Variants in GALNTL6 observed in about 807,000 individuals in gnomAD.
GALNTL6 encodes polypeptide N-acetylgalactosaminyltransferase-like 6.
GALNTL6 carries 46 observed loss-of-function variants against 73.7 expected under a neutral mutation model. The observed-to-expected ratio is 0.62, with a 90% CI of 0.49 to 0.80. The LOEUF (loss-of-function observed/expected upper bound fraction) is 0.80. Ranked by LOEUF, GALNTL6 falls within the 30% of genes least tolerant of loss-of-function variation. The pLI is 0.00. For missense variants in GALNTL6, 604 were observed against 755.0 expected (o/e 0.80, Z 2.34); for synonymous variants, 259 against 263.7 (o/e 0.98, Z 0.17).
At chr4:172,148,526 C>T (rs1733986599) in intron 2 of GALNTL6, among the ~76,000 whole-genome samples, 2 of 152,132 alleles carry the variant, frequency 1.3e-5, no homozygotes, top group Non-Finnish European at 1.5e-5. Context: ...GGCACTGATC[C>T]TCCCAGCAAA....
intron 2 of GALNTL6, among the ~76,000 whole-genome samples, chr4:171,956,664 A>G (rs1209780075): frequency 6.6e-6 from 1 of 152,184 alleles, no homozygotes; most frequent in Admixed American, 6.6e-5. Flanking sequence ...TTTAAAATTA[A>G]ATTCTTTATC....
At position 172,606,960 on chromosome 4, in the gene GALNTL6, T is replaced by C. The variant is rs141603991; in HGVS notation, c.554-202401T>C. ...TAAATAGAGTGCCATTTTGTCTACA[T>C]TGAGATGAAGAAACTGTGGTTACTC... On this transcript the variant is annotated intron_variant, in intron 5 of 12. Transcript: ENST00000506823. 5.6e-4 allele frequency among the ~76,000 whole-genome samples: 85 copies of C among 151,814 alleles called. 1 individual carries two copies. In the East Asian group the frequency reaches 0.015, roughly 26 times the overall value.
chr4:172,151,124 C>G (rs1734075629), intron 2 of GALNTL6, among the ~76,000 whole-genome samples: 1 of 152,050 alleles, frequency 6.6e-6, no homozygotes, highest in South Asian at 2.1e-4. Flanking sequence ...AGTTTGACAT[C>G]TGGTTACCAT....
chr4:171,926,696 T>G (rs1737994299), intron 2 of GALNTL6, among the ~76,000 whole-genome samples: 1 of 152,158 alleles, frequency 6.6e-6, no homozygotes, highest in Non-Finnish European at 1.5e-5. Flanking sequence ...TTGTATTTAC[T>G]TTGCGACACA....
At chr4:172,407,762 G>A (rs931063182) in intron 5 of GALNTL6, among the ~76,000 whole-genome samples, 1 of 151,876 alleles carries the variant, frequency 6.6e-6, no homozygotes, top group Non-Finnish European at 1.5e-5. Flanking sequence ...AACACATACC[G>A]GTTTTTTGTC....
intron 7 of GALNTL6, among the ~76,000 whole-genome samples, chr4:172,819,734 G>A (rs1017398314): frequency 6.6e-6 from 1 of 152,158 alleles, no homozygotes; most frequent in African/African-American, 2.4e-5. Flanking sequence ...GATGATTCAG[G>A]CTCATAGAGG....
At chr4:172,492,958 G>A (rs1030633575) in intron 5 of GALNTL6, among the ~76,000 whole-genome samples, 3 of 152,116 alleles carry the variant, frequency 2.0e-5, no homozygotes, top group African/African-American at 4.8e-5. Flanking sequence ...TAACAAAGAG[G>A]CTGCCAAGTC....
intron 2 of GALNTL6, among the ~76,000 whole-genome samples, chr4:171,910,413 A>G (rs1434327680): frequency 6.6e-6 from 1 of 152,082 alleles, no homozygotes; most frequent in Admixed American, 6.5e-5. Flanking sequence ...ACCAATAACA[A>G]CTGTATAATA....
intron 5 of GALNTL6, among the ~76,000 whole-genome samples, chr4:172,801,670 G>T (rs981462884): frequency 6.6e-6 from 1 of 152,180 alleles, no homozygotes; most frequent in African/African-American, 2.4e-5. Context: ...ATACATAGGT[G>T]CTGTGTTCTA....
intron 7 of GALNTL6, among the ~76,000 whole-genome samples, chr4:172,876,441 CAGAG>C (rs537499426): frequency 1.1e-3 from 162 of 152,294 alleles, no homozygotes; most frequent in African/African-American, 3.8e-3. Context: ...TCTAGGAAAA[CAGAG>C]AGCTTTTTTT....
At chr4:172,602,511 C>T (rs1278512107) in intron 5 of GALNTL6, among the ~76,000 whole-genome samples, 1 of 68,656 alleles carries the variant, frequency 1.5e-5, no homozygotes, top group Non-Finnish European at 3.7e-5. Context: ...TTATTTTAAA[C>T]CTTAAAACAA....
At chr4:172,692,178 G>A (rs1377218875) in intron 5 of GALNTL6, among the ~76,000 whole-genome samples, 2 of 151,864 alleles carry the variant, frequency 1.3e-5, no homozygotes, top group Non-Finnish European at 2.9e-5. Flanking sequence ...ATGTGCATCT[G>A]CTTGCATATT....
chr4:172,780,491 G>A (rs10866362), intron 5 of GALNTL6, among the ~76,000 whole-genome samples: 72,864 of 152,054 alleles, frequency 0.48, 18,790 homozygotes, highest in East Asian at 0.73. Flanking sequence ...AAGGTTTGAG[G>A]TATTAAAATG....
At chr4:172,183,050 A>G (rs1735304016) in intron 2 of GALNTL6, among the ~76,000 whole-genome samples, 1 of 152,166 alleles carries the variant, frequency 6.6e-6, no homozygotes. Flanking sequence ...TTGCTGTACA[A>G]CCTAATTCTT....
At chr4:172,341,630 G>A (rs1356964090) in intron 4 of GALNTL6, among the ~76,000 whole-genome samples, 4 of 152,090 alleles carry the variant, frequency 2.6e-5, no homozygotes, top group African/African-American at 7.2e-5. Context: ...TCTGGTGATA[G>A]TGAATGGGTA....
chr4:172,762,220 G>A (rs1317775939), intron 5 of GALNTL6, among the ~76,000 whole-genome samples: 1 of 152,116 alleles, frequency 6.6e-6, no homozygotes, highest in African/African-American at 2.4e-5. Flanking sequence ...CAGCAATGTT[G>A]CTTCTGCTCA....
intron 2 of GALNTL6, among the ~76,000 whole-genome samples, chr4:172,103,518 C>T (rs1470910940): frequency 6.6e-6 from 1 of 152,098 alleles, no homozygotes; most frequent in Non-Finnish European, 1.5e-5. Flanking sequence ...TTATATCAGC[C>T]CTTGCCCTGA....
At chr4:172,780,532 T>C (rs2110895027) in intron 5 of GALNTL6, among the ~76,000 whole-genome samples, 1 of 152,348 alleles carries the variant, frequency 6.6e-6, no homozygotes, top group Middle Eastern at 3.4e-3. Flanking sequence ...ATTAAACAAA[T>C]GGAATTTGGC....
At chr4:172,198,946 A>C (rs1459623048) in intron 2 of GALNTL6, among the ~76,000 whole-genome samples, 1 of 152,066 alleles carries the variant, frequency 6.6e-6, no homozygotes, top group Admixed American at 6.6e-5. Context: ...ATCATCTTTC[A>C]GTTCCTTAGA....
Sources: gnomAD v4.1 joint callset for allele counts (sites outside exome capture counted in the v4.1 genomes callset) on GRCh38, gnomAD v4.1.1 for gene constraint, MANE v1.5 for transcripts, NCBI Gene and HGNC (gene_info 2026-07-23, HGNC 2026-07-21) for gene names.